Variants in HECW2 observed in about 807,000 individuals in gnomAD.
HECW2 encodes the protein HECT, C2 and WW domain containing E3 ubiquitin protein ligase 2, also known as E3 ubiquitin-protein ligase HECW2.
In HECW2, 61 loss-of-function variants were observed where a neutral mutation model predicts 175.2. That is an observed-to-expected ratio of 0.35 (90% CI 0.28 to 0.43). The LOEUF is 0.43. Ranked by LOEUF, HECW2 falls within the 20% of genes least tolerant of loss-of-function variation. The pLI, the probability that HECW2 is intolerant of heterozygous loss-of-function variation, is 1.00. For missense variants in HECW2, 1,524 were observed against 2,000.5 expected, an observed-to-expected ratio of 0.76 and a Z score of 4.54; for synonymous variants, 671 against 731.0, an observed-to-expected ratio of 0.92 and a Z score of 1.32.
intron 2 of HECW2, among the ~76,000 whole-genome samples, chr2:196,426,294 G>T (rs186181602): frequency 6.6e-6 from 1 of 152,070 alleles, no homozygotes; most frequent in African/African-American, 2.4e-5. Flanking sequence ...ATCCAGAACC[G>T]AAACCACACT....
intron 1 of HECW2, among the ~76,000 whole-genome samples, chr2:196,528,295 T>A (rs1018459723): frequency 6.6e-6 from 1 of 152,208 alleles, no homozygotes; most frequent in Admixed American, 6.5e-5. Context: ...TAATTAAATA[T>A]TAACATTGGT....
chr2:196,428,901 G>C (rs994340982), intron 2 of HECW2, among the ~76,000 whole-genome samples: 3 of 152,170 alleles, frequency 2.0e-5, no homozygotes, highest in Non-Finnish European at 2.9e-5. Context: ...CTTAAACCAA[G>C]AGAAGAACAT....
At chr2:196,237,284 C>T (rs2105869571) in intron 21 of HECW2, among the ~76,000 whole-genome samples, 1 of 152,222 alleles carries the variant, frequency 6.6e-6, no homozygotes, top group East Asian at 1.9e-4. Flanking sequence ...GATTTTGGTG[C>T]ACCATCACCT....
At chr2:196,502,492 C>T (rs1428166647) in intron 1 of HECW2, among the ~76,000 whole-genome samples, 1 of 152,234 alleles carries the variant, frequency 6.6e-6, no homozygotes, top group Non-Finnish European at 1.5e-5. Context: ...CATCTTGGAA[C>T]AGCTGGCTTT....
intron 1 of HECW2, among the ~76,000 whole-genome samples, chr2:196,516,380 A>T (rs1017384253): frequency 6.7e-6 from 1 of 148,334 alleles, no homozygotes; most frequent in Non-Finnish European, 1.5e-5. Context: ...TGTAATACTA[A>T]TTCTTTATAT....
intron 1 of HECW2, among the ~76,000 whole-genome samples, chr2:196,536,503 T>C (rs1266638999): frequency 1.3e-5 from 2 of 152,158 alleles, no homozygotes; most frequent in Non-Finnish European, 1.5e-5. Context: ...CTGCTGCCTA[T>C]GTATCTCTGT....
At chr2:196,499,297 G>A (rs1235750698) in intron 1 of HECW2, among the ~76,000 whole-genome samples, 5 of 148,636 alleles carry the variant, frequency 3.4e-5, no homozygotes, top group Non-Finnish European at 5.9e-5. Context: ...TTGACACATT[G>A]ACAAACTTCT....
At chr2:196,481,262 A>G (rs903308847) in intron 1 of HECW2, among the ~76,000 whole-genome samples, 3 of 152,236 alleles carry the variant, frequency 2.0e-5, no homozygotes, top group Non-Finnish European at 2.9e-5. Flanking sequence ...TCACAATTTT[A>G]GCTTGGCCTC....
intron 1 of HECW2, among the ~76,000 whole-genome samples, chr2:196,494,122 A>G (rs12328910): frequency 0.055 from 8,358 of 152,218 alleles, 783 homozygotes; most frequent in African/African-American, 0.19. Flanking sequence ...AGGAATCCCG[A>G]GCATAGGGGA....
intron 2 of HECW2, among the ~76,000 whole-genome samples, chr2:196,371,501 G>T (rs1376546434): frequency 6.6e-6 from 1 of 152,188 alleles, no homozygotes; most frequent in Non-Finnish European, 1.5e-5. Context: ...GTGGGCCATG[G>T]GTAAGTGCTG....
At chr2:196,278,133 A>ATATATATATATATATATATATATAT (rs1553489735) in intron 15 of HECW2, among the ~76,000 whole-genome samples, 1,333 of 66,196 alleles carry the variant, frequency 0.02, 343 homozygotes, top group East Asian at 0.07. Context: ...ATAATTAAAA[A>ATATATATATATATATATATATATAT]ATATATATAT....
intron 1 of HECW2, among the ~76,000 whole-genome samples, chr2:196,480,228 C>T (rs1024336911): frequency 6.6e-6 from 1 of 152,178 alleles, no homozygotes; most frequent in African/African-American, 2.4e-5. Flanking sequence ...TGTAGCTTTG[C>T]CAACTTCTTT....
intron 2 of HECW2, among the ~76,000 whole-genome samples, chr2:196,370,694 G>C (rs1428946844): frequency 6.6e-6 from 1 of 152,212 alleles, no homozygotes; most frequent in African/African-American, 2.4e-5. Flanking sequence ...CTGGGATTCA[G>C]GTTCTGACTG....
chr2:196,588,456 G>A (rs901974971), intron 1 of HECW2, among the ~76,000 whole-genome samples: 3 of 152,170 alleles, frequency 2.0e-5, no homozygotes, highest in Non-Finnish European at 4.4e-5. Flanking sequence ...TCAATAGAAT[G>A]GTATTAAAAT....
At chr2:196,336,979 C>T (rs1038636351) in intron 3 of HECW2, among the ~76,000 whole-genome samples, 3 of 151,336 alleles carry the variant, frequency 2.0e-5, no homozygotes, top group Admixed American at 6.6e-5. Flanking sequence ...GAGTGGTTTG[C>T]GTAGGGATGA....
chr2:196,491,560 C>A (rs1687199228), intron 1 of HECW2, among the ~76,000 whole-genome samples: 3 of 147,550 alleles, frequency 2.0e-5, no homozygotes, highest in Non-Finnish European at 1.5e-5. Context: ...ATGGATAAGC[C>A]TAAAATAATA....
At position 196,249,748 on chromosome 2, in the gene HECW2, T is replaced by C. The variant is rs950699474; in HGVS notation, c.3529+4172A>G. Among the ~76,000 whole-genome samples, 10 of 152,234 alleles carry C rather than the reference T, an allele frequency of 6.6e-5. 1 individual carries two copies. Among genetic ancestry groups the C allele is most frequent in the African/African-American group, 2.4e-4 (10 of 41,468 alleles). On this transcript the variant is annotated intron_variant, in intron 19 of 28. Transcript: ENST00000644978. Reference sequence around the variant, plus strand: ...CCCTGGTATCATGTGGAATTTGTTATAGTGACTTCCATTGATATCAGGCTG... The same window carrying C: ...CCCTGGTATCATGTGGAATTTGTTACAGTGACTTCCATTGATATCAGGCTG...
chr2:196,552,290 G>A (rs1275087938), intron 1 of HECW2, among the ~76,000 whole-genome samples: 1 of 152,204 alleles, frequency 6.6e-6, no homozygotes, highest in African/African-American at 2.4e-5. Context: ...AGGTTTGTGT[G>A]AGAAAACGTT....
chr2:196,242,355 A>G lies in HECW2; in HGVS notation c.3530-151T>C, dbSNP rs937035828. On this transcript the variant is annotated intron_variant, in intron 19 of 28. Transcript: ENST00000644978. ...TTTTGATTTCTGCAAGTTGAAGGAT[A>G]TAACAAACCTCAACCAAGGTCTTAA... The G allele has an allele frequency of 6.0e-6, 6 of 996,972 alleles. No homozygotes were observed. In the African/African-American group the frequency reaches 9.9e-5, roughly 16 times the overall value. 61.8% of individuals were successfully genotyped at this position (996,972 alleles called of 1,614,324 possible). A position where few individuals can be genotyped will look rare whatever the true frequency, so the allele number is the denominator to read the frequency against.
Sources: gnomAD v4.1 joint callset for allele counts (sites outside exome capture counted in the v4.1 genomes callset) on GRCh38, gnomAD v4.1.1 for gene constraint, MANE v1.5 for transcripts, NCBI Gene and HGNC (gene_info 2026-07-23, HGNC 2026-07-21) for gene names.